The following ULK4 variants were observed in gnomAD, a reference collection of about 807,000 sequenced individuals.
ULK4 encodes the protein unc-51 like kinase 4.
ULK4 carries 133 observed loss-of-function variants against 160.6 expected under a neutral mutation model. The observed-to-expected ratio is 0.83, with a 90% confidence interval of 0.72 to 0.96. ULK4 has a LOEUF of 0.96. Among genes scored for constraint, ULK4 ranks in the 40% least tolerant of loss-of-function variants. ULK4 has a pLI of 0.00. For synonymous variants in ULK4, 534 were observed against 539.8 expected, an observed-to-expected ratio of 0.99 and a Z score of 0.15; for missense variants, 1,580 against 1,499.5, an observed-to-expected ratio of 1.05 and a Z score of -0.89.
intron 34 of ULK4, among the ~76,000 whole-genome samples, chr3:41,400,283 T>C (rs1025269067): frequency 6.6e-6 from 1 of 151,086 alleles, no homozygotes; most frequent in African/African-American, 2.4e-5. Context: ...CATGTGTAGA[T>C]TTGGTGACAA....
At chr3:41,382,014 T>A (rs577878639) in intron 35 of ULK4, among the ~76,000 whole-genome samples, 4 of 152,214 alleles carry the variant, frequency 2.6e-5, no homozygotes, top group Admixed American at 2.6e-4. Flanking sequence ...CTCCAAACAC[T>A]CCCTGGCTGC....
intron 32 of ULK4, among the ~76,000 whole-genome samples, chr3:41,541,421 G>A (rs892079087): frequency 2.6e-5 from 4 of 152,104 alleles, no homozygotes; most frequent in African/African-American, 9.7e-5. Flanking sequence ...TGCTGTTTTT[G>A]TTACTGTAGC....
intron 32 of ULK4, among the ~76,000 whole-genome samples, chr3:41,554,653 G>A (rs2087218153): frequency 1.3e-5 from 2 of 152,066 alleles, no homozygotes; most frequent in Non-Finnish European, 2.9e-5. Flanking sequence ...ATCACCATAT[G>A]GTGCCTACAG....
intron 32 of ULK4, among the ~76,000 whole-genome samples, chr3:41,538,850 G>A (rs2086599726): frequency 6.6e-6 from 1 of 152,016 alleles, no homozygotes; most frequent in African/African-American, 2.4e-5. Flanking sequence ...AGAAAATGAT[G>A]CTGTGTATGG....
intron 20 of ULK4, among the ~76,000 whole-genome samples, chr3:41,794,691 GA>G (rs148265682): frequency 1.6e-5 from 1 of 64,342 alleles, no homozygotes; most frequent in Non-Finnish European, 3.4e-5. Flanking sequence ...AAAAAACACA[GA>G]AAAAAAAACC....
At chr3:41,509,617 A>G (rs903359343) in intron 32 of ULK4, among the ~76,000 whole-genome samples, 1 of 152,206 alleles carries the variant, frequency 6.6e-6, no homozygotes, top group Non-Finnish European at 1.5e-5. Context: ...TTACAGTAAC[A>G]ACAGATTTAT....
chr3:41,640,326 C>T (rs1225206718), intron 30 of ULK4, among the ~76,000 whole-genome samples: 1 of 152,164 alleles, frequency 6.6e-6, no homozygotes, highest in Non-Finnish European at 1.5e-5. Context: ...CCTGCCACTG[C>T]CTGCTTGGAG....
intron 35 of ULK4, among the ~76,000 whole-genome samples, chr3:41,279,759 TGA>T (rs1460447887): frequency 3.2e-4 from 48 of 152,310 alleles, no homozygotes; most frequent in African/African-American, 1.1e-3. Flanking sequence ...AAACAAATGC[TGA>T]GAGATTTTGT....
At chr3:41,403,740 A>T (rs1249547156) in intron 34 of ULK4, among the ~76,000 whole-genome samples, 1 of 151,598 alleles carries the variant, frequency 6.6e-6, no homozygotes, top group East Asian at 1.9e-4. Flanking sequence ...GGTGTTGCAA[A>T]TTTTTCTCTC....
chr3:41,570,977 T>C (rs1403111571), intron 31 of ULK4, among the ~76,000 whole-genome samples: 1 of 152,148 alleles, frequency 6.6e-6, no homozygotes, highest in Non-Finnish European at 1.5e-5. Flanking sequence ...AGAAAAATAT[T>C]TGATGCACAG....
At chr3:41,572,169 G>T (rs2088001347) in intron 31 of ULK4, among the ~76,000 whole-genome samples, 1 of 152,138 alleles carries the variant, frequency 6.6e-6, no homozygotes, top group South Asian at 2.1e-4. Flanking sequence ...TTGGTCTATG[G>T]GATGGCAGAA....
At chr3:41,771,349 TAAGA>T (rs2039365010) in intron 21 of ULK4, among the ~76,000 whole-genome samples, 2 of 152,050 alleles carry the variant, frequency 1.3e-5, no homozygotes, top group South Asian at 2.1e-4. Context: ...TAGGATGAAA[TAAGA>T]AAGAATACAT....
chr3:41,342,420 T>C (rs913085800), intron 35 of ULK4, among the ~76,000 whole-genome samples: 5 of 152,194 alleles, frequency 3.3e-5, no homozygotes, highest in African/African-American at 1.2e-4. Context: ...TAGAGGCCTT[T>C]AATAATTAGG....
intron 20 of ULK4, among the ~76,000 whole-genome samples, chr3:41,797,016 G>A (rs536301274): frequency 6.8e-4 from 103 of 152,264 alleles, no homozygotes; most frequent in African/African-American, 2.3e-3. Context: ...ACAATAAGCA[G>A]TAGCAGTAAT....
intron 35 of ULK4, among the ~76,000 whole-genome samples, chr3:41,368,795 A>G (rs369463410): frequency 1.3e-5 from 2 of 152,224 alleles, no homozygotes; most frequent in African/African-American, 4.8e-5. Flanking sequence ...CAATTGAATT[A>G]CATTTGAGTT....
At chr3:41,439,922 C>T (rs1039603278) in intron 34 of ULK4, among the ~76,000 whole-genome samples, 1 of 152,116 alleles carries the variant, frequency 6.6e-6, no homozygotes, top group African/African-American at 2.4e-5. Flanking sequence ...TTGTGGTTTC[C>T]ATACCTTTTG....
chr3:41,805,757 T>A (rs1334711357), intron 19 of ULK4, among the ~76,000 whole-genome samples: 1 of 150,278 alleles, frequency 6.7e-6, no homozygotes, highest in African/African-American at 2.4e-5. Context: ...GGTTTTTGTC[T>A]TTGGTTCTGT....
chr3:41,789,619 A>G (rs930201106), intron 21 of ULK4, 42 bp downstream of exon 21: 28 of 1,487,130 alleles, frequency 1.9e-5, no homozygotes, highest in African/African-American at 1.6e-4. Flanking sequence ...GCAGAAGAAA[A>G]CAATTTTTAA....
At chr3:41,923,027 A>T (rs1178927579) in intron 5 of ULK4, among the ~76,000 whole-genome samples, 2 of 150,694 alleles carry the variant, frequency 1.3e-5, no homozygotes, top group Non-Finnish European at 3.0e-5. Context: ...CAAAAAAATT[A>T]GTCAGGCATG....
Sources: gnomAD v4.1 joint callset for allele counts (sites outside exome capture counted in the v4.1 genomes callset) on GRCh38, gnomAD v4.1.1 for gene constraint, MANE v1.5 for transcripts, NCBI Gene and HGNC (gene_info 2026-07-23, HGNC 2026-07-21) for gene names.